Variants in WDR76 observed in about 807,000 individuals in gnomAD.
The protein encoded by WDR76 is WD repeat domain 76.
A neutral mutation model predicts 70.2 loss-of-function variants in WDR76; 52 were observed. The observed-to-expected ratio is 0.74, with a 90% CI of 0.59 to 0.93. The LOEUF is 0.93. Ranked by LOEUF, WDR76 falls within the 40% of genes least tolerant of loss-of-function variation. WDR76 has a pLI of 0.00. For synonymous variants in WDR76, 292 were observed against 271.1 expected (o/e 1.08, Z -0.76); for missense variants, 756 against 760.2 (o/e 0.99, Z 0.07).
At chr15:43,831,983 G>T (rs1020904980) in intron 2 of WDR76, among the ~76,000 whole-genome samples, 1 of 151,924 alleles carries the variant, frequency 6.6e-6, no homozygotes, top group African/African-American at 2.4e-5. Context: ...TCCTGACCTC[G>T]TGATCTGCCG....
At chr15:43,854,660 GAT>G (rs2087906872) in intron 9 of WDR76, among the ~76,000 whole-genome samples, 2 of 151,820 alleles carry the variant, frequency 1.3e-5, no homozygotes, top group Non-Finnish European at 2.9e-5. Flanking sequence ...TCGTAATCAA[GAT>G]ATAGAGCTGG....
intron 11 of WDR76, among the ~76,000 whole-genome samples, chr15:43,859,052 G>C (rs1195270577): frequency 6.6e-6 from 1 of 152,170 alleles, no homozygotes. Flanking sequence ...AGGTACCCTG[G>C]GGGGTTTATG....
rs773242562 is a variant in WDR76, at chr15:43,867,855, G to A, written c.*1463G>A. On this transcript the variant is annotated 3_prime_UTR_variant, in exon 13 of 13. Transcript: ENST00000263795. ...TGCCAAATCAGTTACTAATATTACT[G>A]TGTGACATCTATCCAACTTTTTTCA... The A allele has an allele frequency of 4.6e-5, 7 of 152,152 alleles. No individual in the cohort carries two copies. Among genetic ancestry groups the A allele is most frequent in the Admixed American group, 1.3e-4 (2 of 15,280 alleles). 9.4% of individuals were successfully genotyped at this position (152,152 alleles called of 1,614,324 possible).
chr15:43,833,184 A>T (rs2087611912), intron 2 of WDR76, among the ~76,000 whole-genome samples: 1 of 152,056 alleles, frequency 6.6e-6, no homozygotes, highest in Admixed American at 6.6e-5. Flanking sequence ...TATTTTTTAG[A>T]GATGGGGTCT....
rs1481753720 is a variant in WDR76, at chr15:43,868,273, GGTTA to G, written c.*1885_*1888del. 2.6e-5 allele frequency: 4 copies of G among 152,166 alleles called. No individual in the cohort carries two copies. The highest frequency in any genetic ancestry group is 6.5e-5 in the Admixed American group (1 of 15,272). 9.4% of individuals were successfully genotyped at this position (152,166 alleles called of 1,614,324 possible). On this transcript the variant is annotated 3_prime_UTR_variant, in exon 13 of 13. Transcript: ENST00000263795. ...CAATTAATCTCATGGGTTCTAGAGT[GGTTA>G]GTTCTACGGGAATTGTTTTTGTTTT...
At chr15:43,841,520 A>T (rs2087725748) in intron 5 of WDR76, among the ~76,000 whole-genome samples, 1 of 152,004 alleles carries the variant, frequency 6.6e-6, no homozygotes, top group Non-Finnish European at 1.5e-5. Flanking sequence ...TTGTATTTTT[A>T]GTAGAAATGG....
intron 9 of WDR76, among the ~76,000 whole-genome samples, chr15:43,854,002 A>G (rs2087897302): frequency 6.6e-6 from 1 of 152,212 alleles, no homozygotes; most frequent in South Asian, 2.1e-4. Context: ...AATGCAAATC[A>G]CAATGAGATA....
intron 5 of WDR76, among the ~76,000 whole-genome samples, chr15:43,841,437 G>T (rs898295702): frequency 6.6e-6 from 1 of 151,936 alleles, no homozygotes; most frequent in East Asian, 1.9e-4. Context: ...CTCATGATCT[G>T]CCCGCCTCGG....
At chr15:43,842,822 T>C (rs1404747958) in intron 7 of WDR76, 151 bp downstream of exon 7, 2 of 682,098 alleles carry the variant, frequency 2.9e-6, no homozygotes, top group Non-Finnish European at 4.9e-6. Flanking sequence ...AGTGTTGCCA[T>C]ATACAATACC....
At position 43,828,033 on chromosome 15, in the gene WDR76, A is replaced by C; in HGVS notation, c.129A>C (p.Leu43Phe). 1.2e-6 allele frequency: 2 copies of C among 1,614,144 alleles called. No homozygotes were observed. The highest frequency in any genetic ancestry group is 1.1e-5 in the South Asian group (1 of 91,046). ...TGAGACCAGCACAGACTACAGTTTT[A>C]ATAAAAACAGCTAAGGTCTATCTTG... is the stretch of plus-strand genomic sequence containing the variant. ...VSLRPAQTTV[L>F]IKTAKVYLAP... The change falls in exon 2 of 13, where the codon TTA becomes TTC. Residue 43 changes from leucine (L) to phenylalanine (F), a missense_variant. Transcript: ENST00000263795.
chr15:43,864,478 T>C (rs2088044762), intron 12 of WDR76, among the ~76,000 whole-genome samples: 1 of 152,242 alleles, frequency 6.6e-6, no homozygotes, highest in South Asian at 2.1e-4. Context: ...CTCATTGTGG[T>C]TTTACCTTGC....
intron 2 of WDR76, among the ~76,000 whole-genome samples, chr15:43,831,504 T>A (rs2087587958): frequency 6.6e-6 from 1 of 151,422 alleles, no homozygotes; most frequent in African/African-American, 2.4e-5. Context: ...AGAGGCACGA[T>A]CTCAGCTCAC....
chr15:43,839,868 G>A, intron 5 of WDR76, 140 bp downstream of exon 5: 1 of 1,151,140 alleles, frequency 8.7e-7, no homozygotes, highest in Non-Finnish European at 1.2e-6. Context: ...GTTTTGTTTT[G>A]TTTTTTTGAG....
intron 8 of WDR76, among the ~76,000 whole-genome samples, chr15:43,850,868 A>T (rs1225324861): frequency 1.3e-5 from 2 of 152,208 alleles, no homozygotes; most frequent in Non-Finnish European, 2.9e-5. Context: ...GTCACTGTTA[A>T]TGTGACTTGG....
Position 43,843,888 on chromosome 15 carries a change from G to C in WDR76, c.879-13G>C. The C allele has an allele frequency of 6.5e-7, 1 of 1,539,892 alleles. No homozygotes were observed. Among genetic ancestry groups the C allele is most frequent in the Non-Finnish European group, 8.8e-7 (1 of 1,142,124 alleles). ...GGTTTTACTTACAAAATTTAACTTT[G>C]TAATTTTCTTAGCTACAAAGCCAAT... On this transcript the variant is annotated splice_polypyrimidine_tract_variant and intron_variant, in intron 7 of 12. Coordinates refer to ENST00000263795, the MANE Select transcript of WDR76 (RefSeq NM_024908.4).
intron 11 of WDR76, among the ~76,000 whole-genome samples, chr15:43,859,366 G>A (rs2087969192): frequency 6.6e-6 from 1 of 152,184 alleles, no homozygotes; most frequent in Non-Finnish European, 1.5e-5. Context: ...AGAAAACAGT[G>A]TCAATAAAGA....
chr15:43,840,475 TAGTG>T (rs1235463113), intron 5 of WDR76, among the ~76,000 whole-genome samples: 4 of 152,228 alleles, frequency 2.6e-5, no homozygotes, highest in Admixed American at 1.3e-4. Context: ...TGTGTAGTTT[TAGTG>T]AGTAGAGTTT....
chr15:43,837,378 G>A (rs750653427), intron 4 of WDR76, among the ~76,000 whole-genome samples: 3 of 152,194 alleles, frequency 2.0e-5, no homozygotes, highest in Admixed American at 2.0e-4. Flanking sequence ...AAAAACAGTA[G>A]CACTGGTCCT....
At chr15:43,847,183 T>A (rs999583561) in intron 8 of WDR76, among the ~76,000 whole-genome samples, 1 of 152,164 alleles carries the variant, frequency 6.6e-6, no homozygotes, top group East Asian at 1.9e-4. Flanking sequence ...TTTCCCCAGT[T>A]TTTTTAAAAA....
Sources: allele counts gnomAD v4.1 joint callset (sites outside exome capture counted in the v4.1 genomes callset), GRCh38; gene constraint gnomAD v4.1.1; transcripts MANE v1.5; gene names NCBI Gene and HGNC (gene_info 2026-07-23, HGNC 2026-07-21).